The following UBE4B variants were observed in gnomAD, a reference collection of about 807,000 sequenced individuals.
The protein encoded by UBE4B is ubiquitin conjugation factor E4 B.
Under a neutral mutation model 148.1 loss-of-function variants are expected in UBE4B, and 27 were observed. That is an observed-to-expected ratio of 0.18 (90% CI 0.13 to 0.25). The LOEUF (loss-of-function observed/expected upper bound fraction) is 0.25. Among genes scored for constraint, UBE4B ranks in the 10% least tolerant of loss-of-function variants. The pLI is 1.00. For missense variants in UBE4B, 1,170 were observed against 1,662.4 expected (o/e 0.70, Z 5.15); for synonymous variants, 596 against 619.3 (o/e 0.96, Z 0.56).
intron 1 of UBE4B, among the ~76,000 whole-genome samples, chr1:10,062,225 A>G (rs1197515647): frequency 2.0e-5 from 3 of 151,222 alleles, no homozygotes. Flanking sequence ...TTCTACCATC[A>G]TTTTGCTTGT....
At chr1:10,098,404 A>C (rs1472591371) in intron 3 of UBE4B, among the ~76,000 whole-genome samples, 4 of 152,212 alleles carry the variant, frequency 2.6e-5, no homozygotes. Flanking sequence ...TTAAACTCAC[A>C]GTGTGGCACA....
intron 1 of UBE4B, among the ~76,000 whole-genome samples, chr1:10,063,546 C>T (rs77407959): frequency 4.6e-5 from 7 of 152,128 alleles, no homozygotes; most frequent in East Asian, 1.9e-4. Context: ...ATGCCCATTG[C>T]GCAGGCTTGC....
rs142219487 is a variant in UBE4B, at chr1:10,123,528, T to C, written c.1554+1452T>C. On this transcript the variant is annotated intron_variant, in intron 10 of 27. Coordinates refer to ENST00000343090, the MANE Select transcript of UBE4B (RefSeq NM_001105562.3). ...GTAGTAATTAGAATACTTTTCCTAT[T>C]CAAGAAGATACCATTTGAGGAATCG... Among the ~76,000 whole-genome samples the C allele has an allele frequency of 1.5e-3, 235 of 152,126 alleles. 2 individuals carry two copies. The highest frequency in any genetic ancestry group is 5.3e-3 in the African/African-American group (221 of 41,514).
At chr1:10,072,294 G>C (rs1644500277) in intron 2 of UBE4B, 80 bp downstream of exon 2, 1 of 1,500,692 alleles carries the variant, frequency 6.7e-7, no homozygotes, top group African/African-American at 1.4e-5. Flanking sequence ...GATGTTTCCA[G>C]AACAGATTAA....
At chr1:10,035,322 T>C (rs1393007795) in intron 1 of UBE4B, among the ~76,000 whole-genome samples, 8 of 150,086 alleles carry the variant, frequency 5.3e-5, no homozygotes. Context: ...TTTAAAAGTT[T>C]CTCTACCTCC....
chr1:10,099,248 A>G (rs926900367), intron 3 of UBE4B, among the ~76,000 whole-genome samples: 1 of 152,186 alleles, frequency 6.6e-6, no homozygotes, highest in Non-Finnish European at 1.5e-5. Context: ...TCTAAAAAAG[A>G]AAAAATTATT....
chr1:10,106,722 T>G lies in UBE4B; in HGVS notation c.1196+139T>G. 8.5e-7 allele frequency: 1 copy of G among 1,174,340 alleles called. No homozygotes were observed. The highest frequency in any genetic ancestry group is 1.1e-6 in the Non-Finnish European group (1 of 877,296). 72.7% of individuals were successfully genotyped at this position (1,174,340 alleles called of 1,614,324 possible). A position where few individuals can be genotyped will look rare whatever the true frequency, so the allele number is the denominator to read the frequency against. ...TATTAACCTGTGTGGCTAACTAGTT[T>G]GGTAGGCACGTACTCTGAGTCCATG... On this transcript the variant is annotated intron_variant, in intron 7 of 27. Transcript: ENST00000343090. This position sits in a 1 kb window ranked among gnomAD's most constrained non-coding sequence, Gnocchi z 4.2.
At chr1:10,109,673 C>T (rs1377425682) in intron 7 of UBE4B, among the ~76,000 whole-genome samples, 6 of 150,912 alleles carry the variant, frequency 4.0e-5, no homozygotes, top group South Asian at 2.1e-4. Flanking sequence ...TTTTTTGAGA[C>T]GGAGTCTTGC....
At chr1:10,092,038 C>T (rs969446460) in intron 2 of UBE4B, among the ~76,000 whole-genome samples, 1 of 151,978 alleles carries the variant, frequency 6.6e-6, no homozygotes, top group Non-Finnish European at 1.5e-5. Context: ...ATGTGAGGCA[C>T]GACTGACCAT....
chr1:10,060,415 C>G (rs1644262020), intron 1 of UBE4B, among the ~76,000 whole-genome samples: 1 of 152,004 alleles, frequency 6.6e-6, no homozygotes, highest in Non-Finnish European at 1.5e-5. Context: ...AGAAAAGGAA[C>G]AGTAAAAATA....
At chr1:10,153,859 A>G (rs769678111) in intron 21 of UBE4B, among the ~76,000 whole-genome samples, 1 of 152,018 alleles carries the variant, frequency 6.6e-6, no homozygotes, top group Non-Finnish European at 1.5e-5. Flanking sequence ...GAGGTGGGCG[A>G]ATCACCTGAG....
At chr1:10,035,907 C>T (rs193062848) in intron 1 of UBE4B, among the ~76,000 whole-genome samples, 1,579 of 146,558 alleles carry the variant, frequency 0.011, 16 homozygotes, top group Admixed American at 0.017. Flanking sequence ...CCACGCCCGG[C>T]TAATTTTTTG....
chr1:10,177,720 T>C (rs535364834), intron 25 of UBE4B, among the ~76,000 whole-genome samples: 2 of 152,104 alleles, frequency 1.3e-5, no homozygotes, highest in Non-Finnish European at 2.9e-5. Flanking sequence ...TGTTTTGCGA[T>C]GGTGATACAA....
intron 2 of UBE4B, among the ~76,000 whole-genome samples, chr1:10,084,734 G>C (rs1480777606): frequency 6.8e-6 from 1 of 147,040 alleles, no homozygotes; most frequent in Non-Finnish European, 1.5e-5. Context: ...GTCTTGCTCA[G>C]TCCCCCAGGC....
chr1:10,049,892 C>CA (rs776583824), intron 1 of UBE4B, among the ~76,000 whole-genome samples: 3,022 of 85,042 alleles, frequency 0.036, 47 homozygotes, highest in Middle Eastern at 0.13. Flanking sequence ...GACCCTGTCT[C>CA]AAAAAAAAAA....
intron 20 of UBE4B, 127 bp from the exon 21 acceptor site, chr1:10,151,199 C>A: frequency 1.3e-6 from 1 of 771,038 alleles, no homozygotes; most frequent in East Asian, 2.6e-5. Flanking sequence ...TGAATGAGTT[C>A]AAGGGCACTC....
chr1:10,097,038 CAAA>C (rs1175237804), intron 3 of UBE4B, among the ~76,000 whole-genome samples: 22 of 141,090 alleles, frequency 1.6e-4, no homozygotes, highest in South Asian at 4.5e-4. Context: ...GACTCTGCAT[CAAA>C]AAAAAAAAAA....
intron 1 of UBE4B, among the ~76,000 whole-genome samples, chr1:10,034,470 G>A (rs1643424497): frequency 6.8e-6 from 1 of 146,620 alleles, no homozygotes; most frequent in South Asian, 2.1e-4. Flanking sequence ...TAATAAATTA[G>A]GTTGTTGTAA....
chr1:10,042,909 T>G (rs994775873), intron 1 of UBE4B, among the ~76,000 whole-genome samples: 1 of 151,904 alleles, frequency 6.6e-6, no homozygotes, highest in African/African-American at 2.4e-5. Flanking sequence ...TGAGGTAAAC[T>G]CATTCTTGAG....
Sources: allele counts gnomAD v4.1 joint callset (sites outside exome capture counted in the v4.1 genomes callset), GRCh38; gene constraint gnomAD v4.1.1; non-coding constraint Gnocchi (gnomAD v3.1); transcripts MANE v1.5; gene names NCBI Gene and HGNC (gene_info 2026-07-23, HGNC 2026-07-21).